APBB2: variants seen among roughly 807,000 people sequenced by gnomAD.
APBB2 encodes the protein Fe65-like 1.
APBB2 carries 38 observed loss-of-function variants against 82.5 expected under a neutral mutation model. That is an observed-to-expected ratio of 0.46 (90% CI 0.36 to 0.60). The LOEUF (loss-of-function observed/expected upper bound fraction) is 0.60, where lower values mean the gene tolerates loss of function less well. Ranked by LOEUF, APBB2 falls within the 20% of genes least tolerant of loss-of-function variation. APBB2 has a pLI of 0.00. For synonymous variants in APBB2, 341 were observed against 368.2 expected (o/e 0.93, Z 0.85); for missense variants, 772 against 972.3 (o/e 0.79, Z 2.74).
chr4:41,102,239 A>G (rs930479934), intron 2 of APBB2, among the ~76,000 whole-genome samples: 1 of 152,202 alleles, frequency 6.6e-6, no homozygotes, highest in African/African-American at 2.4e-5. Flanking sequence ...AGTAGTTGTA[A>G]CTAAAAATCA....
intron 7 of APBB2, among the ~76,000 whole-genome samples, chr4:40,943,447 G>A (rs552916929): frequency 6.6e-5 from 10 of 152,240 alleles, no homozygotes; most frequent in Non-Finnish European, 1.5e-4. Context: ...GAGCACGTCT[G>A]TGCCTTAGTG....
chr4:41,014,949 A>C (rs1039759664), intron 5 of APBB2, among the ~76,000 whole-genome samples: 3 of 152,208 alleles, frequency 2.0e-5, no homozygotes, highest in African/African-American at 7.2e-5. Context: ...CCTCCATTAG[A>C]GTTTGCTAAT....
chr4:41,189,583 A>G (rs1280925451), intron 1 of APBB2, among the ~76,000 whole-genome samples: 1 of 152,188 alleles, frequency 6.6e-6, no homozygotes, highest in Non-Finnish European at 1.5e-5. Context: ...CTGCTACCTA[A>G]CAATAAAACA....
chr4:41,192,474 T>C (rs1454630234), intron 1 of APBB2, among the ~76,000 whole-genome samples: 2 of 152,186 alleles, frequency 1.3e-5, no homozygotes, highest in Non-Finnish European at 2.9e-5. Flanking sequence ...AAGGGGATCT[T>C]GCCATTGGCC....
intron 12 of APBB2, among the ~76,000 whole-genome samples, chr4:40,836,168 G>C (rs948545945): frequency 2.0e-5 from 3 of 152,112 alleles, no homozygotes; most frequent in Non-Finnish European, 4.4e-5. Flanking sequence ...GAGCAGGTGA[G>C]AGTGTGGAGC....
Position 40,821,980 on chromosome 4 carries a change from T to C in APBB2, c.2003A>G (p.His668Arg), listed in dbSNP as rs1388631438. Residue 668 changes from histidine (H) to arginine (R), a missense_variant, in exon 17 of 18, where the codon CAC (histidine) becomes CGC (arginine). Physicochemically the swap from His to Arg is conservative, Grantham distance 29 (BLOSUM62 0). Coordinates refer to ENST00000508593, the MANE Select transcript of APBB2 (RefSeq NM_004307.2). ...CGTGTCCATGATGAAGGCAAATGTG[T>C]GGACGTCCTTCCCAACACCCATGAA... ...LSFMGVGKDV[H>R]TFAFIMDTGN... 6.2e-7 allele frequency: 1 copy of C among 1,614,120 alleles called. No homozygotes were observed. Among genetic ancestry groups the C allele is most frequent in the Admixed American group, 1.7e-5 (1 of 60,016 alleles).
At chr4:41,102,589 T>G (rs1010511598) in intron 2 of APBB2, among the ~76,000 whole-genome samples, 2 of 152,192 alleles carry the variant, frequency 1.3e-5, no homozygotes, top group African/African-American at 4.8e-5. Context: ...TGCATATGGT[T>G]ACACAGAATG....
intron 3 of APBB2, among the ~76,000 whole-genome samples, chr4:41,095,161 T>C (rs1282170775): frequency 6.6e-6 from 1 of 152,244 alleles, no homozygotes; most frequent in Non-Finnish European, 1.5e-5. Context: ...TCCTTGGCTG[T>C]GTGACATTGG....
At chr4:40,905,262 C>T (rs557006576) in intron 10 of APBB2, among the ~76,000 whole-genome samples, 8 of 152,308 alleles carry the variant, frequency 5.3e-5, no homozygotes, top group African/African-American at 1.9e-4. Context: ...CAGCCTGGGT[C>T]ACCTCTGTCT....
chr4:40,839,751 G>A (rs1037549474), intron 12 of APBB2, among the ~76,000 whole-genome samples: 9 of 151,160 alleles, frequency 6.0e-5, no homozygotes, highest in African/African-American at 1.9e-4. Flanking sequence ...TGCAACCTCT[G>A]CCTCCCAGGT....
At chr4:40,958,093 A>G (rs536512390) in intron 6 of APBB2, among the ~76,000 whole-genome samples, 1 of 152,318 alleles carries the variant, frequency 6.6e-6, no homozygotes, top group African/African-American at 2.4e-5. Flanking sequence ...TAAATATTCA[A>G]CCATCCATCG....
intron 2 of APBB2, among the ~76,000 whole-genome samples, chr4:41,107,165 G>A: frequency 6.6e-6 from 1 of 152,034 alleles, no homozygotes; most frequent in East Asian, 1.9e-4. Context: ...ACAAAAATTA[G>A]CCAGGCATGG....
At position 40,950,837 on chromosome 4, in the gene APBB2, C is replaced by T. The variant is rs145299426; in HGVS notation, c.836-5764G>A. ...CAACTTGGGTGACAGAGCAAGACTC[C>T]GTCTCAAAAAAAAAATAATTAAAAA... On this transcript the variant is annotated intron_variant, in intron 6 of 17. Coordinates refer to ENST00000508593, the MANE Select transcript of APBB2 (RefSeq NM_004307.2). 3.8e-3 allele frequency among the ~76,000 whole-genome samples: 563 copies of T among 149,702 alleles called. 4 individuals carry two copies. The highest frequency in any genetic ancestry group is 0.014 in the Middle Eastern group (4 of 292).
intron 6 of APBB2, among the ~76,000 whole-genome samples, chr4:40,962,473 G>A (rs1161575749): frequency 2.6e-5 from 4 of 152,154 alleles, no homozygotes; most frequent in African/African-American, 7.2e-5. Flanking sequence ...GTCTCTTATC[G>A]ATGCTATTAA....
At chr4:41,207,017 G>A (rs1021004882) in intron 1 of APBB2, among the ~76,000 whole-genome samples, 1 of 151,906 alleles carries the variant, frequency 6.6e-6, no homozygotes, top group African/African-American at 2.4e-5. Flanking sequence ...GGCCAAAGTG[G>A]TGAAACCCCA....
intron 6 of APBB2, among the ~76,000 whole-genome samples, chr4:40,979,009 A>G (rs1481012270): frequency 6.6e-6 from 1 of 152,186 alleles, no homozygotes; most frequent in East Asian, 1.9e-4. Context: ...AAGGATTCTC[A>G]GCCTTTCCTG....
At chr4:41,102,674 A>C (rs951444080) in intron 2 of APBB2, among the ~76,000 whole-genome samples, 6 of 152,176 alleles carry the variant, frequency 3.9e-5, no homozygotes, top group Non-Finnish European at 7.3e-5. Context: ...ACCAAGCCAT[A>C]TCTGGTATCC....
intron 2 of APBB2, among the ~76,000 whole-genome samples, chr4:41,120,869 T>C (rs1401845183): frequency 1.3e-5 from 2 of 152,176 alleles, no homozygotes; most frequent in Non-Finnish European, 2.9e-5. Flanking sequence ...TTTTAAAAGA[T>C]CAAATTATCT....
intron 2 of APBB2, among the ~76,000 whole-genome samples, chr4:41,107,022 G>A (rs1269017542): frequency 6.6e-6 from 1 of 151,792 alleles, no homozygotes; most frequent in Non-Finnish European, 1.5e-5. Flanking sequence ...AAAAAAAAAA[G>A]ATGTTGACCA....
Sources: allele counts gnomAD v4.1 joint callset (sites outside exome capture counted in the v4.1 genomes callset), GRCh38; gene constraint gnomAD v4.1.1; transcripts MANE v1.5; gene names NCBI Gene and HGNC (gene_info 2026-07-23, HGNC 2026-07-21).